Variants in UBR3 observed in about 807,000 individuals in gnomAD.
UBR3 encodes ubiquitin protein ligase E3 component n-recognin 3.
In UBR3, 85 loss-of-function variants were observed where a neutral mutation model predicts 243.2. That is an observed-to-expected ratio of 0.35 (90% confidence interval 0.29 to 0.42). The LOEUF is 0.42. UBR3 is among the 10% of genes least tolerant of loss of function. UBR3 has a pLI of 1.00. For synonymous variants in UBR3, 748 were observed against 799.8 expected, an observed-to-expected ratio of 0.94 and a Z score of 1.09; for missense variants, 1,686 against 2,300.8, an observed-to-expected ratio of 0.73 and a Z score of 5.47.
chr2:169,842,816 G>T (rs180697620), intron 1 of UBR3, among the ~76,000 whole-genome samples: 1 of 152,346 alleles, frequency 6.6e-6, no homozygotes, highest in East Asian at 1.9e-4. Context: ...CTTCATTCTT[G>T]AAGTCAGTGA....
intron 31 of UBR3, among the ~76,000 whole-genome samples, chr2:170,035,823 G>A (rs570091703): frequency 5.6e-5 from 8 of 143,878 alleles, no homozygotes; most frequent in East Asian, 2.1e-4. Context: ...TTATGTAGTC[G>A]TTTGATTCCA....
At chr2:170,043,003 G>C (rs2091005527) in intron 32 of UBR3, among the ~76,000 whole-genome samples, 1 of 151,818 alleles carries the variant, frequency 6.6e-6, no homozygotes, top group South Asian at 2.1e-4. Context: ...CTTAATCTAG[G>C]GAAACAGTTG....
At chr2:169,993,627 G>A (rs943449976) in intron 25 of UBR3, among the ~76,000 whole-genome samples, 2 of 152,114 alleles carry the variant, frequency 1.3e-5, no homozygotes, top group South Asian at 4.1e-4. Flanking sequence ...CATTACATCA[G>A]GAGGTTCACT....
At chr2:169,945,004 T>C (rs2105358272) in intron 20 of UBR3, among the ~76,000 whole-genome samples, 1 of 152,270 alleles carries the variant, frequency 6.6e-6, no homozygotes, top group Non-Finnish European at 1.5e-5. Flanking sequence ...CCTCTGCTCC[T>C]CACATCATTG....
intron 22 of UBR3, 147 bp downstream of exon 22, chr2:169,947,862 A>G (rs188736659): frequency 7.3e-6 from 9 of 1,230,462 alleles, no homozygotes; most frequent in East Asian, 3.2e-5. Context: ...TGATATATCT[A>G]TGTAACTTCT....
chr2:170,001,499 G>T (rs2089694108), intron 27 of UBR3, 85 bp downstream of exon 27: 1 of 767,888 alleles, frequency 1.3e-6, no homozygotes, highest in Non-Finnish European at 2.2e-6. Context: ...CCCAATTCCA[G>T]CTCATCTTTT....
chr2:169,950,129 T>C lies in UBR3; in HGVS notation c.3545+64T>C, dbSNP rs1574268425. On this transcript the variant is annotated intron_variant, in intron 23 of 38. Coordinates refer to ENST00000272793, the MANE Select transcript of UBR3 (RefSeq NM_172070.4). The stretch of plus-strand genomic sequence containing the variant: ...TGAAAATTTGATATTTTCTTCCTTT[T>C]GGTCATTTGAGGATAATCACCTGGA... 2.1e-6 allele frequency: 3 copies of C among 1,449,940 alleles called. No individual in the cohort carries two copies. The East Asian group carries it at 6.9e-5, about 33-fold the overall frequency. 89.8% of individuals were successfully genotyped at this position (1,449,940 alleles called of 1,614,324 possible). A position where few individuals can be genotyped will look rare whatever the true frequency, so the allele number is the denominator to read the frequency against.
intron 25 of UBR3, among the ~76,000 whole-genome samples, chr2:169,990,048 A>G (rs1307810099): frequency 6.6e-6 from 1 of 152,192 alleles, no homozygotes; most frequent in Admixed American, 6.5e-5. Flanking sequence ...AATGGTATTT[A>G]GAGACAAAAG....
At chr2:169,847,641 T>C (rs2082526844) in intron 1 of UBR3, among the ~76,000 whole-genome samples, 1 of 152,188 alleles carries the variant, frequency 6.6e-6, no homozygotes, top group Admixed American at 6.5e-5. Flanking sequence ...CCAGTGCTCT[T>C]TGTTTCTTTA....
chr2:169,953,689 G>A (rs2087137915), intron 23 of UBR3, among the ~76,000 whole-genome samples: 1 of 152,174 alleles, frequency 6.6e-6, no homozygotes, highest in African/African-American at 2.4e-5. Flanking sequence ...TTTAGTATTA[G>A]TGTCAAGCAG....
intron 1 of UBR3, among the ~76,000 whole-genome samples, chr2:169,871,209 T>C (rs966584689): frequency 2.0e-5 from 3 of 151,712 alleles, no homozygotes; most frequent in Non-Finnish European, 2.9e-5. Flanking sequence ...CCCAGTACTT[T>C]GGGAGGTCAA....
chr2:169,869,380 C>T (rs2105308065), intron 1 of UBR3, among the ~76,000 whole-genome samples: 1 of 151,866 alleles, frequency 6.6e-6, no homozygotes, highest in South Asian at 2.1e-4. Context: ...TGCCACCATG[C>T]CTGGCTAATG....
chr2:170,007,410 A>T (rs1235997454), intron 28 of UBR3, among the ~76,000 whole-genome samples: 1 of 152,194 alleles, frequency 6.6e-6, no homozygotes, highest in Non-Finnish European at 1.5e-5. Flanking sequence ...GTTTTAATAT[A>T]CGTCTTCTAG....
At chr2:169,829,243 GA>G (rs2081846693) in intron 1 of UBR3, among the ~76,000 whole-genome samples, 1 of 152,056 alleles carries the variant, frequency 6.6e-6, no homozygotes, top group Non-Finnish European at 1.5e-5. Flanking sequence ...ATGAAACATT[GA>G]CCAACCCCTT....
At chr2:169,928,471 C>G (rs935331185) in intron 17 of UBR3, among the ~76,000 whole-genome samples, 1 of 151,902 alleles carries the variant, frequency 6.6e-6, no homozygotes, top group African/African-American at 2.4e-5. Flanking sequence ...AAATTTATTT[C>G]GGGGAAAATA....
Position 169,918,322 on chromosome 2 carries a change from T to TA in UBR3, c.1866+4178dup, listed in dbSNP as rs397934541. Among the ~76,000 whole-genome samples the TA allele has an allele frequency of 6.0e-5, 9 of 150,788 alleles. No individual in the cohort carries two copies. In the East Asian group the frequency reaches 1.4e-3, roughly 23 times the overall value. ...TATATTTTTACTTTTTTTTTTTTTT[T>TA]AACACTGCTGAGCCTATTTCCTCAT... On this transcript the variant is annotated intron_variant, in intron 11 of 38. Transcript: ENST00000272793.
At chr2:169,838,191 C>T (rs2082168872) in intron 1 of UBR3, among the ~76,000 whole-genome samples, 1 of 152,050 alleles carries the variant, frequency 6.6e-6, no homozygotes, top group Non-Finnish European at 1.5e-5. Context: ...TTCATTGTAA[C>T]ACTGAAATAG....
chr2:169,997,886 T>C (rs765259003), intron 26 of UBR3, among the ~76,000 whole-genome samples: 2 of 152,140 alleles, frequency 1.3e-5, no homozygotes, highest in Non-Finnish European at 2.9e-5. Context: ...CACCATTTGA[T>C]TTTCAAGGAA....
Position 169,905,269 on chromosome 2 carries a change from A to G in UBR3, c.1621A>G (p.Met541Val), listed in dbSNP as rs1374231707. ...GGATCACGGTTTGTTAGTTACATGG[A>G]TGAACTTTGTATCTTTCTTTCAAGG... ...LEDHGLLVTW[M>V]NFVSFFQGMN... Residue 541 changes from methionine (M) to valine (V), a missense_variant, in exon 9 of 39, where the codon ATG becomes GTG. Physicochemically the swap from Met to Val is conservative, Grantham distance 21. Around this residue, in one of 8 missense-constraint regions of UBR3, gnomAD observed 346 missense variants for 585.8 expected, o/e 0.59. Transcript: ENST00000272793. The G allele has an allele frequency of 2.0e-6, 3 of 1,537,444 alleles. No individual in the cohort carries two copies. Among genetic ancestry groups the G allele is most frequent in the East Asian group, 2.5e-5 (1 of 40,548 alleles).
Sources: allele counts gnomAD v4.1 joint callset (sites outside exome capture counted in the v4.1 genomes callset), GRCh38; gene constraint gnomAD v4.1.1; regional missense constraint gnomAD v4.1.1; transcripts MANE v1.5; gene names NCBI Gene and HGNC (gene_info 2026-07-23, HGNC 2026-07-21).